The following HMCES variants were observed in gnomAD, a reference collection of about 807,000 sequenced individuals.
The protein encoded by HMCES is abasic site processing protein HMCES.
A neutral mutation model predicts 35.1 loss-of-function variants in HMCES; 27 were observed. That is an observed-to-expected ratio of 0.77 (90% CI 0.57 to 1.06). The LOEUF (loss-of-function observed/expected upper bound fraction) is 1.06. Among genes scored for constraint, HMCES ranks in the 50% least tolerant of loss-of-function variants. The probability of loss-of-function intolerance (pLI) is 0.00; values close to 1 mark genes in which losing one functional copy is unlikely to be tolerated. For missense variants in HMCES, 391 were observed against 430.4 expected (o/e 0.91, Z 0.81); for synonymous variants, 130 against 154.7 (o/e 0.84, Z 1.18).
chr3:129,289,764 C>G, intron 3 of HMCES, among the ~76,000 whole-genome samples: 1 of 152,146 alleles, frequency 6.6e-6, no homozygotes, highest in East Asian at 1.9e-4. Context: ...GGGAAGCATG[C>G]TTCATTGGGG....
rs776900069 is a variant in HMCES, at chr3:129,279,691, T to TA, written c.-23-18dup. ...ATTTGAGATACGTAAGCCTTTTCCT[T>TA]ACGTTTTGTAATTTAAAGGTTGCGA... On this transcript the variant is annotated intron_variant, in intron 1 of 6. Coordinates refer to ENST00000383463, the MANE Select transcript of HMCES (RefSeq NM_020187.3). This position sits in a 1 kb window ranked among gnomAD's most constrained non-coding sequence, Gnocchi z 4.2. The TA allele has an allele frequency of 1.9e-6, 3 of 1,606,644 alleles. No homozygotes were observed. The highest frequency in any genetic ancestry group is 3.4e-5 in the Admixed American group (2 of 58,278).
chr3:129,287,765 G>C (rs1166105446), intron 2 of HMCES, among the ~76,000 whole-genome samples: 2 of 152,152 alleles, frequency 1.3e-5, no homozygotes, highest in Non-Finnish European at 2.9e-5. Context: ...TTGAGCCTAA[G>C]AGTTCGAGAC....
chr3:129,290,551 T>C, intron 3 of HMCES, 128 bp from the exon 4 acceptor site: 1 of 891,820 alleles, frequency 1.1e-6, no homozygotes, highest in Admixed American at 2.4e-5. Flanking sequence ...CCCAAAGTGT[T>C]GGGATTACAG....
At chr3:129,299,627 G>A (rs1269433099) in intron 5 of HMCES, among the ~76,000 whole-genome samples, 1 of 143,888 alleles carries the variant, frequency 6.9e-6, no homozygotes, top group Non-Finnish European at 1.5e-5. Flanking sequence ...TATATTTTTT[G>A]TATGAACCTT....
Position 129,279,733 on chromosome 3 carries a change from A to ATG in HMCES, c.6_7dup (p.Gly3?). 1 of 1,612,886 alleles carries ATG rather than the reference A, an allele frequency of 6.2e-7. No individual in the cohort carries two copies. Among genetic ancestry groups the ATG allele is most frequent in the African/African-American group, 1.3e-5 (1 of 75,002 alleles). On this transcript the variant is annotated frameshift_variant and start_lost, in exon 2 of 7. Coordinates refer to ENST00000383463, the MANE Select transcript of HMCES (RefSeq NM_020187.3). LOFTEE classifies it high-confidence loss of function. The surrounding 1 kb of genome is among the most constrained non-coding windows in gnomAD (Gnocchi z 4.2). ...AGGTTGCGAGGGGCGGTGTTGAAGA[A>ATG]TGTGTGGGCGAACATCCTGTCACTT... is the stretch of plus-strand genomic sequence containing the variant.
chr3:129,303,029 A>G (rs1029036215), intron 6 of HMCES, among the ~76,000 whole-genome samples: 3 of 152,156 alleles, frequency 2.0e-5, no homozygotes, highest in Non-Finnish European at 4.4e-5. Flanking sequence ...TACAAGTTGC[A>G]GGAGCTCCAG....
intron 4 of HMCES, among the ~76,000 whole-genome samples, chr3:129,296,956 T>C (rs1220854156): frequency 6.6e-6 from 1 of 152,126 alleles, no homozygotes; most frequent in East Asian, 1.9e-4. Flanking sequence ...GCCAGGATGG[T>C]CTCGATCTCC....
chr3:129,298,608 T>G, intron 5 of HMCES, 73 bp downstream of exon 5: 1 of 1,328,180 alleles, frequency 7.5e-7, no homozygotes, highest in Non-Finnish European at 1.0e-6. Flanking sequence ...TAGGTAGCTT[T>G]AGAGAGTAGG....
At chr3:129,299,170 T>G (rs538433233) in intron 5 of HMCES, among the ~76,000 whole-genome samples, 18 of 152,242 alleles carry the variant, frequency 1.2e-4, no homozygotes, top group Admixed American at 9.8e-4. Context: ...CATACATACA[T>G]ACTACAATAA....
At chr3:129,295,296 G>C (rs929686910) in intron 4 of HMCES, among the ~76,000 whole-genome samples, 1 of 151,624 alleles carries the variant, frequency 6.6e-6, no homozygotes, top group Non-Finnish European at 1.5e-5. Flanking sequence ...AATTAACCAT[G>C]CATGGTGGCT....
At chr3:129,285,825 G>A (rs1940624760) in intron 2 of HMCES, among the ~76,000 whole-genome samples, 4 of 151,496 alleles carry the variant, frequency 2.6e-5, no homozygotes, top group Admixed American at 2.6e-4. Context: ...CACCTCCCGA[G>A]CTCAAGCAAT....
In HMCES at chr3:129,305,193, T is replaced by G. The variant is rs895407829; in HGVS notation, c.*368T>G. The G allele has an allele frequency of 9.6e-6, 2 of 209,320 alleles. No homozygotes were observed. The highest frequency in any genetic ancestry group is 1.9e-5 in the Non-Finnish European group (2 of 105,978). The allele number at this position is 209,320 out of a possible 1,614,324, so 13.0% of individuals were successfully genotyped here. A position where few individuals can be genotyped will look rare whatever the true frequency, so the allele number is the denominator to read the frequency against. On this transcript the variant is annotated 3_prime_UTR_variant, in exon 7 of 7. Coordinates refer to ENST00000383463, the MANE Select transcript of HMCES (RefSeq NM_020187.3). ...TTTTCTGCTCAGCCACTGGGCTCTT[T>G]CACTTTTTTAGTTCTTAAAAATTTA...
intron 4 of HMCES, among the ~76,000 whole-genome samples, chr3:129,294,302 A>C (rs1161528592): frequency 6.6e-6 from 1 of 152,104 alleles, no homozygotes; most frequent in African/African-American, 2.4e-5. Context: ...GGGTGCCTGT[A>C]GTCCCAGCTA....
At chr3:129,282,304 A>C (rs78059910) in intron 2 of HMCES, among the ~76,000 whole-genome samples, 18,347 of 151,792 alleles carry the variant, frequency 0.12, 1,355 homozygotes, top group Middle Eastern at 0.23. Context: ...ACAAAAAAAA[A>C]AAAAAAAAGC....
chr3:129,305,939 C>G lies in HMCES; in HGVS notation c.*1114C>G, dbSNP rs531781130. The G allele has an allele frequency of 6.6e-6, 1 of 152,312 alleles. No homozygotes were observed. Among genetic ancestry groups the G allele is most frequent in the Non-Finnish European group, 1.5e-5 (1 of 68,104 alleles). The allele number at this position is 152,312 out of a possible 1,614,324, so 9.4% of individuals were successfully genotyped here. A position where few individuals can be genotyped will look rare whatever the true frequency, so the allele number is the denominator to read the frequency against. The stretch of plus-strand genomic sequence containing the variant: ...TGGGGCTCCCGCCCAGACCCTTTCC[C>G]GAGGTCCGCCCTCTCCGCCTTTTCT... On this transcript the variant is annotated 3_prime_UTR_variant, in exon 7 of 7. Transcript: ENST00000383463.
Position 129,298,494 on chromosome 3 carries a change from C to T in HMCES, c.594C>T (p.Ile198=), listed in dbSNP as rs747577812. ...ATGTCCTGTATTCCTATACCATCAT[C>T]ACAGTGGATTCCTGCAAAGGCTTGA... The part of the protein sequence containing the change: ...GGDVLYSYTI[I]TVDSCKGLSD... The change falls in exon 5 of 7, where the codon ATC becomes ATT. Residue 198 remains isoleucine, a synonymous_variant. Transcript: ENST00000383463. 6.2e-7 allele frequency: 1 copy of T among 1,614,188 alleles called. No individual in the cohort carries two copies. The highest frequency in any genetic ancestry group is 1.1e-5 in the South Asian group (1 of 91,090).
At position 129,300,166 on chromosome 3, in the gene HMCES, T is replaced by TTATATA. The variant is rs35145445; in HGVS notation, c.635+1652_635+1657dup. ...TGTTTGAGATGTTAAATGTGCATCTTTATATATATATATATATATATATAT... is the reference window on the plus strand; with the variant it reads ...TGTTTGAGATGTTAAATGTGCATCTTTATATATATATATATATATATATATATATAT... On this transcript the variant is annotated intron_variant, in intron 5 of 6. Transcript: ENST00000383463. Among the ~76,000 whole-genome samples the TTATATA allele has an allele frequency of 4.2e-3, 591 of 141,202 alleles. 1 individual carries two copies. The highest frequency in any genetic ancestry group is 0.011 in the Middle Eastern group (3 of 266). The allele number at this position is 141,202 out of a possible 152,430, so 92.6% of individuals were successfully genotyped here.
intron 4 of HMCES, among the ~76,000 whole-genome samples, chr3:129,295,158 C>CA (rs77238172): frequency 0.048 from 3,078 of 64,450 alleles, 123 homozygotes; most frequent in East Asian, 0.2. Context: ...GACTCCATCT[C>CA]AAAAAAAAAA....
intron 3 of HMCES, among the ~76,000 whole-genome samples, chr3:129,290,394 G>A (rs887188460): frequency 5.0e-4 from 76 of 151,814 alleles, no homozygotes; most frequent in African/African-American, 1.6e-3. Flanking sequence ...AGTGATTCTC[G>A]TGCTTTAGCC....
Sources: allele counts gnomAD v4.1 joint callset (sites outside exome capture counted in the v4.1 genomes callset), GRCh38; gene constraint gnomAD v4.1.1; non-coding constraint Gnocchi (gnomAD v3.1); transcripts MANE v1.5; gene names NCBI Gene and HGNC (gene_info 2026-07-23, HGNC 2026-07-21).